Variants in HYDIN observed in about 807,000 individuals in gnomAD.
HYDIN encodes the protein axonemal central pair apparatus protein HYDIN.
A neutral mutation model predicts 403.9 loss-of-function variants in HYDIN; 132 were observed. The observed-to-expected ratio is 0.33, with a 90% CI of 0.28 to 0.38. The LOEUF is 0.38. Among genes scored for constraint, HYDIN ranks in the 10% least tolerant of loss-of-function variants. The pLI is 1.00. For missense variants in HYDIN, 2,827 were observed against 5,009.5 expected, an observed-to-expected ratio of 0.56 and a Z score of 13.15; for synonymous variants, 1,202 against 1,891.7, an observed-to-expected ratio of 0.64 and a Z score of 9.46.
intron 18 of HYDIN, among the ~76,000 whole-genome samples, chr16:71,051,660 CA>C (rs1219589325): frequency 1.1e-5 from 1 of 90,382 alleles, no homozygotes; most frequent in Non-Finnish European, 2.5e-5. Flanking sequence ...AAAAAAAAAA[CA>C]AAAAAAACAA....
intron 77 of HYDIN, 58 bp downstream of exon 77, chr16:70,837,632 G>A (rs1011183197): frequency 1.9e-6 from 3 of 1,600,682 alleles, no homozygotes; most frequent in African/African-American, 1.3e-5. Context: ...GGGCAAAGAA[G>A]GATGAGAAGG....
intron 45 of HYDIN, among the ~76,000 whole-genome samples, chr16:70,927,539 T>C (rs2077190968): frequency 6.6e-6 from 1 of 151,644 alleles, no homozygotes; most frequent in Non-Finnish European, 1.5e-5. Flanking sequence ...GGGCTGCTAC[T>C]CTCTGCCTAC....
rs1394453598 is a variant in HYDIN at position 70,805,028 on chromosome 16, A to G, written c.*2552T>C. 6.6e-6 allele frequency among the ~76,000 whole-genome samples: 1 copy of G among 152,188 alleles called. No homozygotes were observed. Among genetic ancestry groups the G allele is most frequent in the Non-Finnish European group, 1.5e-5 (1 of 68,034 alleles). On this transcript the variant is annotated 3_prime_UTR_variant, in exon 86 of 86. Transcript: ENST00000393567. ...AGGGATCACTTGGTGTACCACATTG[A>G]CCATTATTGAAAAAGTACACCCTTT...
At chr16:71,078,843 G>A (rs1333378280) in intron 13 of HYDIN, among the ~76,000 whole-genome samples, 3 of 152,044 alleles carry the variant, frequency 2.0e-5, no homozygotes, top group South Asian at 2.1e-4. Context: ...GCTAAGTTAC[G>A]GCAAAATTGC....
At chr16:70,992,356 G>C in intron 23 of HYDIN, 146 bp from the exon 24 acceptor site, 1 of 1,121,374 alleles carries the variant, frequency 8.9e-7, no homozygotes, top group Non-Finnish European at 1.1e-6. Flanking sequence ...ACCCTCCCTT[G>C]AACTTGCCTT....
At position 71,069,328 on chromosome 16, in the gene HYDIN, T is replaced by C; in HGVS notation, c.1913A>G (p.Lys638Arg). The change falls in exon 14 of 86, where the codon AAA becomes AGA. Residue 638 changes from lysine to arginine, a missense_variant. Transcript: ENST00000393567. ...ACAGTCAGGAGAGATGGTGAATTCT[T>C]TTGGTTTCATTGAGGATATTTCTTC... ...TKEEISSMKP[K>R]EFTISPDCGT... 5 of 1,613,934 alleles carry C rather than the reference T, an allele frequency of 3.1e-6. No homozygotes were observed. The highest frequency in any genetic ancestry group is 4.5e-5 in the East Asian group (2 of 44,876).
chr16:71,197,097 AC>A (rs2087732875), intron 1 of HYDIN, among the ~76,000 whole-genome samples: 1 of 152,034 alleles, frequency 6.6e-6, no homozygotes, highest in East Asian at 1.9e-4. Flanking sequence ...CTGGATTGGG[AC>A]CCCTTTCCAA....
chr16:71,209,956 C>T (rs532092855), intron 1 of HYDIN, among the ~76,000 whole-genome samples: 2 of 152,326 alleles, frequency 1.3e-5, no homozygotes, highest in African/African-American at 4.8e-5. Context: ...AGGGGCCATA[C>T]TGCCCAAAGC....
intron 18 of HYDIN, among the ~76,000 whole-genome samples, chr16:71,039,664 T>A (rs539727500): frequency 6.6e-6 from 1 of 152,318 alleles, no homozygotes; most frequent in South Asian, 2.1e-4. Flanking sequence ...TGGCTGCAGA[T>A]GGCCGGACTT....
chr16:71,041,294 T>G (rs1383355113), intron 18 of HYDIN, among the ~76,000 whole-genome samples: 2 of 149,412 alleles, frequency 1.3e-5, no homozygotes, highest in Non-Finnish European at 3.0e-5. Flanking sequence ...GGACATAAAC[T>G]GTACAAGTTC....
chr16:70,926,623 A>C (rs2077162408), intron 45 of HYDIN, among the ~76,000 whole-genome samples: 1 of 151,828 alleles, frequency 6.6e-6, no homozygotes, highest in Non-Finnish European at 1.5e-5. Context: ...ATAAAAAAAA[A>C]ATACTTGGCA....
At chr16:70,875,938 G>A (rs2040417691) in intron 62 of HYDIN, among the ~76,000 whole-genome samples, 1 of 152,154 alleles carries the variant, frequency 6.6e-6, no homozygotes, top group African/African-American at 2.4e-5. Flanking sequence ...CACAATAATG[G>A]AAACGATGCA....
intron 23 of HYDIN, among the ~76,000 whole-genome samples, chr16:71,001,794 G>A (rs2079721664): frequency 6.6e-6 from 1 of 151,702 alleles, no homozygotes; most frequent in Admixed American, 6.6e-5. Context: ...CTGGAGGGAG[G>A]ATTCCTGGGA....
chr16:71,219,214 A>G (rs2061953613), intron 1 of HYDIN, among the ~76,000 whole-genome samples: 2 of 152,182 alleles, frequency 1.3e-5, no homozygotes, highest in South Asian at 4.1e-4. Context: ...AGAAATAAAA[A>G]CAGACACAGA....
intron 44 of HYDIN, 116 bp downstream of exon 44, chr16:70,938,498 C>T: frequency 1.4e-6 from 1 of 721,180 alleles, no homozygotes. Context: ...CCAGGGCCTT[C>T]TGCAGCTCCT....
At chr16:70,965,262 T>C (rs958406266) in intron 36 of HYDIN, among the ~76,000 whole-genome samples, 2 of 152,148 alleles carry the variant, frequency 1.3e-5, no homozygotes, top group Non-Finnish European at 2.9e-5. Flanking sequence ...AACAATATTG[T>C]GGTTAGCAAT....
chr16:70,851,504 T>A (rs972737458), intron 73 of HYDIN, among the ~76,000 whole-genome samples: 7 of 147,708 alleles, frequency 4.7e-5, no homozygotes, highest in Non-Finnish European at 2.9e-5. Context: ...ATCAGAGAAA[T>A]GCAAGTCAAA....
At chr16:71,061,311 T>C (rs1018671029) in intron 17 of HYDIN, among the ~76,000 whole-genome samples, 5 of 149,796 alleles carry the variant, frequency 3.3e-5, no homozygotes, top group Admixed American at 6.7e-5. Flanking sequence ...TGCTGTTTTA[T>C]AAGTTAAGTG....
At chr16:71,185,023 T>C (rs3785347) in intron 2 of HYDIN, 33 bp from the exon 3 acceptor site, 22 of 1,517,002 alleles carry the variant, frequency 1.5e-5, no homozygotes, top group Non-Finnish European at 2.0e-5. Flanking sequence ...CCAAAGATTC[T>C]TAAGTGGATG....
Sources: gnomAD v4.1 joint callset for allele counts (sites outside exome capture counted in the v4.1 genomes callset) on GRCh38, gnomAD v4.1.1 for gene constraint, MANE v1.5 for transcripts, NCBI Gene and HGNC (gene_info 2026-07-23, HGNC 2026-07-21) for gene names.